The following BORCS5 variants were observed in gnomAD, a reference collection of about 807,000 sequenced individuals.
BORCS5 encodes BLOC-1-related complex subunit 5.
BORCS5 carries 17 observed loss-of-function variants against 22.1 expected under a neutral mutation model. That is an observed-to-expected ratio of 0.77 (90% CI 0.53 to 1.15). BORCS5 has a LOEUF of 1.15. Among genes scored for constraint, BORCS5 ranks in the 50% most tolerant of loss-of-function variants. The probability of loss-of-function intolerance (pLI) is 0.00; values close to 1 mark genes in which losing one functional copy is unlikely to be tolerated. For synonymous variants in BORCS5, 117 were observed against 99.8 expected (o/e 1.17, Z -1.03); for missense variants, 247 against 253.2 (o/e 0.98, Z 0.17).
At chr12:12,365,962 TG>T (rs768851322) in intron 2 of BORCS5, among the ~76,000 whole-genome samples, 3 of 152,264 alleles carry the variant, frequency 2.0e-5, no homozygotes, top group Non-Finnish European at 2.9e-5. Flanking sequence ...TGAGGTTGTT[TG>T]GGTTTTGAGG....
At chr12:12,458,493 C>G (rs1943039021) in intron 3 of BORCS5, among the ~76,000 whole-genome samples, 2 of 151,468 alleles carry the variant, frequency 1.3e-5, no homozygotes, top group Admixed American at 6.6e-5. Context: ...TTATTTTTGC[C>G]CATTATTTTC....
intron 3 of BORCS5, among the ~76,000 whole-genome samples, chr12:12,464,631 C>T (rs1173990650): frequency 6.6e-6 from 1 of 152,014 alleles, no homozygotes; most frequent in African/African-American, 2.4e-5. Context: ...GAAGTGGGGT[C>T]CATGCTGAGG....
intron 2 of BORCS5, among the ~76,000 whole-genome samples, chr12:12,414,680 C>T (rs866555777): frequency 0.42 from 29,755 of 71,350 alleles, 6,849 homozygotes; most frequent in African/African-American, 0.59. Flanking sequence ...GCTGGCCGGG[C>T]GGGGGGCTGA....
At chr12:12,419,891 T>G (rs1024959919) in intron 2 of BORCS5, among the ~76,000 whole-genome samples, 1 of 152,220 alleles carries the variant, frequency 6.6e-6, no homozygotes, top group Non-Finnish European at 1.5e-5. Flanking sequence ...TTGATGGGGT[T>G]GTTTGTTTTT....
chr12:12,413,550 C>G (rs1941802510), intron 2 of BORCS5, among the ~76,000 whole-genome samples: 1 of 145,416 alleles, frequency 6.9e-6, no homozygotes, highest in Admixed American at 6.8e-5. Context: ...TTCTATTCCA[C>G]AAAACCGCCA....
intron 2 of BORCS5, among the ~76,000 whole-genome samples, chr12:12,372,342 C>T (rs1457973065): frequency 6.6e-6 from 1 of 151,602 alleles, no homozygotes; most frequent in Admixed American, 6.6e-5. Context: ...AATTTACTTA[C>T]TAATTTTTTT....
At position 12,456,765 on chromosome 12, in the gene BORCS5, C is replaced by T. The variant is rs978356157; in HGVS notation, c.361-8781C>T. Among the ~76,000 whole-genome samples the T allele has an allele frequency of 1.1e-4, 17 of 151,650 alleles. 1 individual carries two copies. Among genetic ancestry groups the T allele is most frequent in the Non-Finnish European group, 2.1e-4 (14 of 68,002 alleles). On this transcript the variant is annotated intron_variant, in intron 3 of 3. Transcript: ENST00000314565. ...TAATGATTTCAGTTATTACGTAGTG[C>T]GAAATGATTCTATCAGGAAACTGTG...
chr12:12,458,063 G>T (rs1943030758), intron 3 of BORCS5, among the ~76,000 whole-genome samples: 1 of 152,182 alleles, frequency 6.6e-6, no homozygotes, highest in African/African-American at 2.4e-5. Context: ...ACTGTGTCAG[G>T]GCTTTAGCAA....
intron 2 of BORCS5, among the ~76,000 whole-genome samples, chr12:12,426,961 C>G (rs1942301138): frequency 6.6e-6 from 1 of 152,138 alleles, no homozygotes; most frequent in Admixed American, 6.5e-5. Flanking sequence ...GCAGTTTCTT[C>G]TGCCACATGG....
At chr12:12,407,986 G>A (rs1941631947) in intron 2 of BORCS5, among the ~76,000 whole-genome samples, 2 of 152,076 alleles carry the variant, frequency 1.3e-5, no homozygotes, top group African/African-American at 2.4e-5. Flanking sequence ...TGGGGTTACA[G>A]GTGTGAGCCA....
At chr12:12,403,169 T>C (rs1212537238) in intron 2 of BORCS5, among the ~76,000 whole-genome samples, 1 of 152,132 alleles carries the variant, frequency 6.6e-6, no homozygotes, top group African/African-American at 2.4e-5. Context: ...GTGCTGAGGC[T>C]CAGAGAGATG....
At chr12:12,455,882 A>G (rs900822297) in intron 3 of BORCS5, among the ~76,000 whole-genome samples, 3 of 152,026 alleles carry the variant, frequency 2.0e-5, no homozygotes, top group South Asian at 2.1e-4. Flanking sequence ...AAATAAGTCT[A>G]TTGATCATAT....
chr12:12,390,351 A>G (rs928121255), intron 2 of BORCS5, among the ~76,000 whole-genome samples: 18 of 152,240 alleles, frequency 1.2e-4, no homozygotes, highest in African/African-American at 3.6e-4. Context: ...AATTGATACA[A>G]TCTTTACATA....
intron 3 of BORCS5, among the ~76,000 whole-genome samples, chr12:12,448,852 T>C (rs938667036): frequency 2.6e-5 from 4 of 152,218 alleles, no homozygotes; most frequent in African/African-American, 9.6e-5. Context: ...TAAGGTCTTA[T>C]TCTTTCATCC....
At chr12:12,421,164 CG>C (rs1942113070) in intron 2 of BORCS5, among the ~76,000 whole-genome samples, 1 of 152,088 alleles carries the variant, frequency 6.6e-6, no homozygotes, top group African/African-American at 2.4e-5. Flanking sequence ...TTTGCCCATT[CG>C]GTATGATACT....
chr12:12,455,704 A>T (rs1942986090), intron 3 of BORCS5, among the ~76,000 whole-genome samples: 1 of 151,814 alleles, frequency 6.6e-6, no homozygotes, highest in Admixed American at 6.6e-5. Context: ...GCTTCAACCC[A>T]GGAGGTGGAG....
intron 3 of BORCS5, among the ~76,000 whole-genome samples, chr12:12,438,166 G>A (rs1205663295): frequency 6.6e-6 from 1 of 151,836 alleles, no homozygotes; most frequent in Non-Finnish European, 1.5e-5. Context: ...TTCAAGACCA[G>A]CCTGGCCAAC....
intron 2 of BORCS5, among the ~76,000 whole-genome samples, chr12:12,414,706 T>C (rs1941876309): frequency 8.1e-6 from 1 of 124,164 alleles, no homozygotes; most frequent in African/African-American, 3.2e-5. Context: ...CCCACCTCCC[T>C]CCCGGATGGG....
chr12:12,403,994 AC>A (rs1468021247), intron 2 of BORCS5, among the ~76,000 whole-genome samples: 18 of 152,010 alleles, frequency 1.2e-4, no homozygotes, highest in Non-Finnish European at 2.6e-4. Context: ...GCCTTTGTAG[AC>A]TCTTCAAAAG....
Sources: gnomAD v4.1 joint callset for allele counts (sites outside exome capture counted in the v4.1 genomes callset) on GRCh38, gnomAD v4.1.1 for gene constraint, MANE v1.5 for transcripts, NCBI Gene and HGNC (gene_info 2026-07-23, HGNC 2026-07-21) for gene names.